Variants in SLC25A21 observed in about 807,000 individuals in gnomAD.
The protein encoded by SLC25A21 is mitochondrial 2-oxodicarboxylate carrier.
Under a neutral mutation model 43.8 loss-of-function variants are expected in SLC25A21, and 47 were observed. The ratio of observed to expected loss-of-function variants is 1.07; its 90% confidence interval spans 0.85 to 1.37. The LOEUF is 1.37. SLC25A21 is among the 40% of genes most tolerant of loss of function. The pLI, the probability that SLC25A21 is intolerant of heterozygous loss-of-function variation, is 0.00. For missense variants in SLC25A21, 352 were observed against 350.2 expected, an observed-to-expected ratio of 1.00 and a Z score of -0.04; for synonymous variants, 131 against 121.3, an observed-to-expected ratio of 1.08 and a Z score of -0.52.
chr14:36,995,657 A>T (rs2138718264), intron 1 of SLC25A21, among the ~76,000 whole-genome samples: 1 of 152,338 alleles, frequency 6.6e-6, no homozygotes, highest in African/African-American at 2.4e-5. Flanking sequence ...CACACTTTAA[A>T]GCTTGTAAAA....
Position 37,036,450 on chromosome 14 carries a change from T to TA in SLC25A21, c.70+135830dup, listed in dbSNP as rs199830406. Among the ~76,000 whole-genome samples, 48 of 150,412 alleles carry TA rather than the reference T, an allele frequency of 3.2e-4. No individual in the cohort carries two copies. In the East Asian group the frequency reaches 3.5e-3, roughly 11 times the overall value. ...GCGCAACATGTTACATTTTCTGAGT[T>TA]AAAAAAAAAATTCCTGGCTGGGTGC... On this transcript the variant is annotated intron_variant, in intron 1 of 9. Transcript: ENST00000331299.
At chr14:36,779,873 C>T (rs1886988103) in intron 3 of SLC25A21, among the ~76,000 whole-genome samples, 1 of 151,600 alleles carries the variant, frequency 6.6e-6, no homozygotes, top group African/African-American at 2.4e-5. Context: ...AACCTCTATA[C>T]TGTTTTCAGT....
chr14:36,960,683 C>T (rs1409543544), intron 1 of SLC25A21, among the ~76,000 whole-genome samples: 4 of 152,126 alleles, frequency 2.6e-5, no homozygotes, highest in East Asian at 1.9e-4. Flanking sequence ...CTGGCCAGTA[C>T]CTTTATGGCA....
intron 1 of SLC25A21, among the ~76,000 whole-genome samples, chr14:36,906,316 AT>A (rs972476958): frequency 5.3e-5 from 8 of 152,106 alleles, no homozygotes; most frequent in Admixed American, 2.6e-4. Flanking sequence ...AGAAAATAAA[AT>A]TTCCCCCAAA....
chr14:36,794,767 T>TAA (rs564868791), intron 3 of SLC25A21, among the ~76,000 whole-genome samples: 353 of 141,590 alleles, frequency 2.5e-3, no homozygotes, highest in Admixed American at 4.2e-3. Flanking sequence ...AGACTCCATT[T>TAA]AAAAAAAAAA....
intron 2 of SLC25A21, among the ~76,000 whole-genome samples, chr14:36,873,389 G>A (rs56080857): frequency 0.035 from 5,315 of 151,958 alleles, 294 homozygotes; most frequent in African/African-American, 0.12. Context: ...TCTACCTCCC[G>A]GGTTCAAGTG....
chr14:36,936,525 A>G (rs1892428689), intron 1 of SLC25A21, among the ~76,000 whole-genome samples: 1 of 152,206 alleles, frequency 6.6e-6, no homozygotes, highest in African/African-American at 2.4e-5. Flanking sequence ...AATGTTGACA[A>G]TGTAAAGCGA....
intron 1 of SLC25A21, among the ~76,000 whole-genome samples, chr14:37,016,335 C>G (rs1960855149): frequency 1.3e-5 from 2 of 152,082 alleles, no homozygotes; most frequent in East Asian, 1.9e-4. Context: ...TCAGATTTGT[C>G]AAAGATCACA....
At chr14:37,160,168 A>G (rs1305395176) in intron 1 of SLC25A21, among the ~76,000 whole-genome samples, 1 of 152,198 alleles carries the variant, frequency 6.6e-6, no homozygotes, top group Non-Finnish European at 1.5e-5. Context: ...TCACACAAAA[A>G]AAACTAAAAA....
chr14:37,091,433 CAAA>C (rs1229828371), intron 1 of SLC25A21, among the ~76,000 whole-genome samples: 1 of 105,032 alleles, frequency 9.5e-6, no homozygotes, highest in Non-Finnish European at 2.0e-5. Context: ...GACTCAGTCT[CAAA>C]AAAAAAAAAA....
At chr14:37,148,665 C>T (rs1006466308) in intron 1 of SLC25A21, among the ~76,000 whole-genome samples, 4 of 152,122 alleles carry the variant, frequency 2.6e-5, no homozygotes, top group Admixed American at 2.0e-4. Context: ...AATAAATATA[C>T]ATTTATTGAG....
intron 3 of SLC25A21, among the ~76,000 whole-genome samples, chr14:36,735,241 G>T (rs1181039760): frequency 6.6e-6 from 1 of 152,062 alleles, no homozygotes; most frequent in African/African-American, 2.4e-5. Context: ...GTGTTGACGG[G>T]CAACATGGTC....
intron 1 of SLC25A21, among the ~76,000 whole-genome samples, chr14:37,046,707 G>A (rs973606664): frequency 1.3e-5 from 2 of 152,138 alleles, no homozygotes; most frequent in African/African-American, 4.8e-5. Flanking sequence ...CTTAAACCCT[G>A]TATACACATT....
intron 1 of SLC25A21, among the ~76,000 whole-genome samples, chr14:37,118,554 A>G (rs754474864): frequency 6.6e-6 from 1 of 152,208 alleles, no homozygotes; most frequent in Non-Finnish European, 1.5e-5. Flanking sequence ...TTATCTGGGC[A>G]GTGGGTAAGA....
In SLC25A21 at chr14:37,014,224, A is replaced by G. The variant is rs186633916; in HGVS notation, c.71-139220T>C. On this transcript the variant is annotated intron_variant, in intron 1 of 9. Coordinates refer to ENST00000331299, the MANE Select transcript of SLC25A21 (RefSeq NM_030631.4). ...TCTTCCTTTCACAAAAGATTTTTCT[A>G]TAGATTTTTCTATTTTCTAATGCCT... 3.4e-3 allele frequency among the ~76,000 whole-genome samples: 521 copies of G among 152,250 alleles called. 4 individuals are homozygous for G. Among genetic ancestry groups the G allele is most frequent in the African/African-American group, 8.1e-3 (337 of 41,566 alleles).
intron 1 of SLC25A21, among the ~76,000 whole-genome samples, chr14:37,020,186 G>C (rs1215915121): frequency 6.6e-6 from 1 of 151,894 alleles, no homozygotes; most frequent in Non-Finnish European, 1.5e-5. Context: ...GTTAATAAGA[G>C]TAAGTGCAGA....
chr14:37,132,587 C>T (rs7152956), intron 1 of SLC25A21, among the ~76,000 whole-genome samples: 115,685 of 152,062 alleles, frequency 0.76, 48,707 homozygotes, highest in South Asian at 0.94. Flanking sequence ...TTAGCTTCCA[C>T]GGCACTCTTT....
chr14:36,690,742 T>C (rs557415562), intron 7 of SLC25A21, among the ~76,000 whole-genome samples: 12 of 152,142 alleles, frequency 7.9e-5, no homozygotes, highest in Middle Eastern at 3.4e-3. Flanking sequence ...GGGGAGGAAA[T>C]TGCTCCTGGG....
chr14:37,165,973 G>A (rs1226951529), intron 1 of SLC25A21, among the ~76,000 whole-genome samples: 2 of 152,200 alleles, frequency 1.3e-5, no homozygotes, highest in East Asian at 1.9e-4. Flanking sequence ...GAGTAATGAT[G>A]TCATATGCAG....
Sources: gnomAD v4.1 joint callset for allele counts (sites outside exome capture counted in the v4.1 genomes callset) on GRCh38, gnomAD v4.1.1 for gene constraint, MANE v1.5 for transcripts, NCBI Gene and HGNC (gene_info 2026-07-23, HGNC 2026-07-21) for gene names.